MFSD6: variants seen among roughly 807,000 people sequenced by gnomAD.
MFSD6 encodes major facilitator superfamily domain-containing protein 6.
MFSD6 carries 26 observed loss-of-function variants against 56.3 expected under a neutral mutation model. The ratio of observed to expected loss-of-function variants is 0.46; its 90% CI spans 0.34 to 0.64. The LOEUF (loss-of-function observed/expected upper bound fraction) is 0.64. Among genes scored for constraint, MFSD6 ranks in the 30% least tolerant of loss-of-function variants. MFSD6 has a pLI of 0.01. For missense variants in MFSD6, 750 were observed against 986.2 expected, an observed-to-expected ratio of 0.76 and a Z score of 3.21; for synonymous variants, 331 against 366.9, an observed-to-expected ratio of 0.90 and a Z score of 1.12.
In MFSD6 at chr2:190,457,447, G is replaced by T. The variant is rs1223169498; in HGVS notation, c.1533-12311G>T. Among the ~76,000 whole-genome samples, 1 of 152,100 alleles carries T rather than the reference G, an allele frequency of 6.6e-6. No individual in the cohort carries two copies. Among genetic ancestry groups the T allele is most frequent in the Non-Finnish European group, 1.5e-5 (1 of 68,024 alleles). ...AGGACTCAGACTTTGCGTGTTTTTT[G>T]CTGACAAGTCAAAAATGTGCACAAA... On this transcript the variant is annotated intron_variant, in intron 3 of 7. Coordinates refer to ENST00000392328, the MANE Select transcript of MFSD6 (RefSeq NM_017694.4). The surrounding 1 kb of genome is among the most constrained non-coding windows in gnomAD (Gnocchi z 5.1).
Position 190,500,228 on chromosome 2 carries a change from G to A in MFSD6, c.*10G>A. The A allele has an allele frequency of 1.2e-6, 2 of 1,613,912 alleles. No individual in the cohort carries two copies. The highest frequency in any genetic ancestry group is 1.7e-6 in the Non-Finnish European group (2 of 1,179,946). On this transcript the variant is annotated 3_prime_UTR_variant, in exon 8 of 8. Coordinates refer to ENST00000392328, the MANE Select transcript of MFSD6 (RefSeq NM_017694.4). The surrounding 1 kb of genome is among the most constrained non-coding windows in gnomAD (Gnocchi z 5.3). ...CGCGGGAGGACACTGAGGGCATCCT[G>A]CTCATCTCACACCCTGCATGGAATC...
chr2:190,463,128 A>G lies in MFSD6; in HGVS notation c.1533-6630A>G, dbSNP rs1687416062. 1.3e-5 allele frequency among the ~76,000 whole-genome samples: 2 copies of G among 152,240 alleles called. No homozygotes were observed. The highest frequency in any genetic ancestry group is 4.8e-5 in the African/African-American group (2 of 41,466). On this transcript the variant is annotated intron_variant, in intron 3 of 7. Coordinates refer to ENST00000392328, the MANE Select transcript of MFSD6 (RefSeq NM_017694.4). The surrounding 1 kb of genome is among the most constrained non-coding windows in gnomAD (Gnocchi z 4.4). ...CCTATTCTGCTAGTGAGGGACACAG[A>G]AATCCTGGCAAGATATCCACAGTAG... is the stretch of plus-strand genomic sequence containing the variant.
intron 4 of MFSD6, among the ~76,000 whole-genome samples, chr2:190,474,129 G>T (rs973183105): frequency 6.6e-6 from 1 of 151,978 alleles, no homozygotes; most frequent in Non-Finnish European, 1.5e-5. Flanking sequence ...ATCCAAAATT[G>T]ACGCCCTAAC....
rs943664041 is a variant in MFSD6, at chr2:190,443,689, A to C, written c.1532+6128A>C. 2.6e-5 allele frequency among the ~76,000 whole-genome samples: 4 copies of C among 152,334 alleles called. No individual in the cohort carries two copies. The East Asian group carries it at 5.8e-4, about 22-fold the overall frequency. On this transcript the variant is annotated intron_variant, in intron 3 of 7. Coordinates refer to ENST00000392328, the MANE Select transcript of MFSD6 (RefSeq NM_017694.4). The surrounding 1 kb of genome is among the most constrained non-coding windows in gnomAD (Gnocchi z 4.2). The stretch of plus-strand genomic sequence containing the variant: ...TTTCAAATGAAATGGAGTTATATCA[A>C]ATTGGAAGTGCACTCCTGATACAGC...
Position 190,501,274 on chromosome 2 carries a change from T to C in MFSD6, c.*1056T>C, listed in dbSNP as rs1045349008. 2.0e-4 allele frequency: 30 copies of C among 152,246 alleles called. No homozygotes were observed. Among genetic ancestry groups the C allele is most frequent in the African/African-American group, 6.0e-4 (25 of 41,544 alleles). The allele number at this position is 152,246 out of a possible 1,614,324, so 9.4% of individuals were successfully genotyped here. ...AAGGTGGTAAATAGGAAACCATGAA[T>C]GGGAAGGATGGCAATAAGTAGCAAC... is the stretch of plus-strand genomic sequence containing the variant. On this transcript the variant is annotated 3_prime_UTR_variant, in exon 8 of 8. Transcript: ENST00000392328.
rs1465455578 is a variant in MFSD6, at chr2:190,496,773, G to A, written c.1892-666G>A. Among the ~76,000 whole-genome samples the A allele has an allele frequency of 6.6e-6, 1 of 152,160 alleles. No homozygotes were observed. Among genetic ancestry groups the A allele is most frequent in the Non-Finnish European group, 1.5e-5 (1 of 68,028 alleles). ...AATGGCATTCACAGCAACCTGGATGGAACTGGAGACCATATTCTAAGTGAA... is the reference window on the plus strand; with the variant it reads ...AATGGCATTCACAGCAACCTGGATGAAACTGGAGACCATATTCTAAGTGAA... On this transcript the variant is annotated intron_variant, in intron 6 of 7. Coordinates refer to ENST00000392328, the MANE Select transcript of MFSD6 (RefSeq NM_017694.4). This position sits in a 1 kb window ranked among gnomAD's most constrained non-coding sequence, Gnocchi z 4.7.
rs962835973 is a variant in MFSD6 at position 190,485,415 on chromosome 2, C to T, written c.1631-3242C>T. On this transcript the variant is annotated intron_variant, in intron 4 of 7. Transcript: ENST00000392328. This position sits in a 1 kb window ranked among gnomAD's most constrained non-coding sequence, Gnocchi z 5.1. ...ACCATTTGATGTGTTTTCAGGTTTT[C>T]GGTAATTCATCTTTAAGAAATGATT... Among the ~76,000 whole-genome samples the T allele has an allele frequency of 1.1e-4, 16 of 152,136 alleles. No individual in the cohort carries two copies. The highest frequency in any genetic ancestry group is 3.6e-4 in the African/African-American group (15 of 41,526).
At position 190,487,689 on chromosome 2, in the gene MFSD6, A is replaced by G. The variant is rs1304187709; in HGVS notation, c.1631-968A>G. On this transcript the variant is annotated intron_variant, in intron 4 of 7. Coordinates refer to ENST00000392328, the MANE Select transcript of MFSD6 (RefSeq NM_017694.4). This position sits in a 1 kb window ranked among gnomAD's most constrained non-coding sequence, Gnocchi z 5.5. ...GCTATTAGGGGAAAGCAAATCAACA[A>G]CATGAGAAACTGCTTCACATTCATT... is the stretch of plus-strand genomic sequence containing the variant. 6.6e-6 allele frequency among the ~76,000 whole-genome samples: 1 copy of G among 152,214 alleles called. No individual in the cohort carries two copies. The highest frequency in any genetic ancestry group is 2.4e-5 in the African/African-American group (1 of 41,448).
At chr2:190,422,554 T>C (rs1167198418) in intron 2 of MFSD6, among the ~76,000 whole-genome samples, 3 of 152,216 alleles carry the variant, frequency 2.0e-5, no homozygotes, top group Non-Finnish European at 4.4e-5. Context: ...ATTGTGATGA[T>C]GTTGTTGAGA....
At position 190,431,937 on chromosome 2, in the gene MFSD6, A is replaced by G. The variant is rs966029771; in HGVS notation, c.-53-4040A>G. Among the ~76,000 whole-genome samples the G allele has an allele frequency of 2.5e-4, 38 of 152,084 alleles. No individual in the cohort carries two copies. The highest frequency in any genetic ancestry group is 8.9e-4 in the African/African-American group (37 of 41,388). ...TCTGGTATTGTTTCATAGTTGCATA[A>G]TCTTCTCTTATTTCTGAAGATAATC... On this transcript the variant is annotated intron_variant, in intron 2 of 7. Coordinates refer to ENST00000392328, the MANE Select transcript of MFSD6 (RefSeq NM_017694.4). This position sits in a 1 kb window ranked among gnomAD's most constrained non-coding sequence, Gnocchi z 4.4.
At chr2:190,482,094 T>C (rs1158359360) in intron 4 of MFSD6, among the ~76,000 whole-genome samples, 1 of 152,184 alleles carries the variant, frequency 6.6e-6, no homozygotes. Context: ...ATTGTATGGG[T>C]CAGGTGCAGA....
In MFSD6 at chr2:190,425,453, G is replaced by A. The variant is rs924344002; in HGVS notation, c.-54+10040G>A. ...ATTCAGTCTTTCACCATTAAGTGCA[G>A]TGTTACCCATGGGTTTCCGTAGGTG... On this transcript the variant is annotated intron_variant, in intron 2 of 7. Coordinates refer to ENST00000392328, the MANE Select transcript of MFSD6 (RefSeq NM_017694.4). This position sits in a 1 kb window ranked among gnomAD's most constrained non-coding sequence, Gnocchi z 4.3. 1.6e-4 allele frequency among the ~76,000 whole-genome samples: 25 copies of A among 152,312 alleles called. No homozygotes were observed. Among genetic ancestry groups the A allele is most frequent in the South Asian group, 4.1e-4 (2 of 4,822 alleles).
chr2:190,411,451 C>T (rs1356831412), intron 1 of MFSD6: 1 of 984,664 alleles, frequency 1.0e-6, no homozygotes, highest in East Asian at 1.1e-4. Context: ...AGCCACTGCG[C>T]CCAGCCGACA....
At position 190,489,616 on chromosome 2, in the gene MFSD6, T is replaced by C. The variant is rs2125238665; in HGVS notation, c.1793-152T>C. On this transcript the variant is annotated intron_variant, in intron 5 of 7. Coordinates refer to ENST00000392328, the MANE Select transcript of MFSD6 (RefSeq NM_017694.4). This position sits in a 1 kb window ranked among gnomAD's most constrained non-coding sequence, Gnocchi z 6.6. ...TTGACACGTACCCAGCCCTGTGTTT[T>C]TCCATTATGTGGAGCTAATACCCAA... 1 of 658,582 alleles carries C rather than the reference T, an allele frequency of 1.5e-6. No individual in the cohort carries two copies. Among genetic ancestry groups the C allele is most frequent in the Non-Finnish European group, 2.6e-6 (1 of 387,626 alleles). 40.8% of individuals were successfully genotyped at this position (658,582 alleles called of 1,614,324 possible). A position where few individuals can be genotyped will look rare whatever the true frequency, so the allele number is the denominator to read the frequency against.
rs1191811293 is a variant in MFSD6, at chr2:190,447,122, A to C, written c.1532+9561A>C. Among the ~76,000 whole-genome samples, 1 of 152,232 alleles carries C rather than the reference A, an allele frequency of 6.6e-6. No homozygotes were observed. ...AAAACTTGAAAGGATGTCTTGACACACAAAATATAAAAATATTAGCGCACT... is the reference window on the plus strand; with the variant it reads ...AAAACTTGAAAGGATGTCTTGACACCCAAAATATAAAAATATTAGCGCACT... On this transcript the variant is annotated intron_variant, in intron 3 of 7. Coordinates refer to ENST00000392328, the MANE Select transcript of MFSD6 (RefSeq NM_017694.4). This position sits in a 1 kb window ranked among gnomAD's most constrained non-coding sequence, Gnocchi z 4.5.
Position 190,432,265 on chromosome 2 carries a change from C to G in MFSD6, c.-53-3712C>G, listed in dbSNP as rs1240680073. On this transcript the variant is annotated intron_variant, in intron 2 of 7. Coordinates refer to ENST00000392328, the MANE Select transcript of MFSD6 (RefSeq NM_017694.4). ...GCCTAGAGGATGGAAGTCTTGCCAG[C>G]CTCTGGGAACCTCCTGAAGAAAGTG... Among the ~76,000 whole-genome samples the G allele has an allele frequency of 2.0e-5, 3 of 152,172 alleles. No homozygotes were observed. In the East Asian group the frequency reaches 5.8e-4, roughly 29 times the overall value.
rs1486126571 is a variant in MFSD6 at position 190,424,625 on chromosome 2, C to T, written c.-54+9212C>T. On this transcript the variant is annotated intron_variant, in intron 2 of 7. Coordinates refer to ENST00000392328, the MANE Select transcript of MFSD6 (RefSeq NM_017694.4). This position sits in a 1 kb window ranked among gnomAD's most constrained non-coding sequence, Gnocchi z 5.9. Reference sequence around the variant, plus strand: ...CTGGGATTACAGGCGTGAGCCACTGCGCCTGGCCGAGTTTCATTATTTTTG... The same window carrying T: ...CTGGGATTACAGGCGTGAGCCACTGTGCCTGGCCGAGTTTCATTATTTTTG... 2.0e-5 allele frequency among the ~76,000 whole-genome samples: 3 copies of T among 152,160 alleles called. No homozygotes were observed. Among genetic ancestry groups the T allele is most frequent in the African/African-American group, 7.2e-5 (3 of 41,422 alleles).
Position 190,443,366 on chromosome 2 carries a change from G to GT in MFSD6, c.1532+5811dup, listed in dbSNP as rs1374384062. Among the ~76,000 whole-genome samples, 1 of 152,122 alleles carries GT rather than the reference G, an allele frequency of 6.6e-6. No individual in the cohort carries two copies. The highest frequency in any genetic ancestry group is 1.9e-4 in the East Asian group (1 of 5,190). On this transcript the variant is annotated intron_variant, in intron 3 of 7. Transcript: ENST00000392328. This position sits in a 1 kb window ranked among gnomAD's most constrained non-coding sequence, Gnocchi z 4.2. ...ATATTATTAGTACCTGCTTCTTAGG[G>GT]TTTTTTATGAAGACTAGATGAGATA...
At position 190,488,602 on chromosome 2, in the gene MFSD6, G is replaced by A; in HGVS notation, c.1631-55G>A. The stretch of plus-strand genomic sequence containing the variant: ...GTTAAATAATTCACATTTCAAAACA[G>A]AGTAGCCTAAGAAATGCTAACCAAC... On this transcript the variant is annotated intron_variant, in intron 4 of 7. Transcript: ENST00000392328. The surrounding 1 kb of genome is among the most constrained non-coding windows in gnomAD (Gnocchi z 6.4). 1.5e-6 allele frequency: 2 copies of A among 1,362,752 alleles called. No homozygotes were observed. The highest frequency in any genetic ancestry group is 1.9e-6 in the Non-Finnish European group (2 of 1,036,128). 84.4% of individuals were successfully genotyped at this position (1,362,752 alleles called of 1,614,324 possible). A position where few individuals can be genotyped will look rare whatever the true frequency, so the allele number is the denominator to read the frequency against.
Sources: allele counts gnomAD v4.1 joint callset (sites outside exome capture counted in the v4.1 genomes callset), GRCh38; gene constraint gnomAD v4.1.1; non-coding constraint Gnocchi (gnomAD v3.1); transcripts MANE v1.5; gene names NCBI Gene and HGNC (gene_info 2026-07-23, HGNC 2026-07-21).